ATG10: variants seen among roughly 807,000 people sequenced by gnomAD.
The protein encoded by ATG10 is ubiquitin-like-conjugating enzyme ATG10.
A neutral mutation model predicts 32.1 loss-of-function variants in ATG10; 30 were observed. The ratio of observed to expected loss-of-function variants is 0.94; its 90% CI spans 0.70 to 1.27. The LOEUF is 1.27. ATG10 is among the 50% of genes most tolerant of loss of function. The probability of loss-of-function intolerance (pLI) is 0.00; values close to 1 mark genes in which losing one functional copy is unlikely to be tolerated. For synonymous variants in ATG10, 87 were observed against 91.5 expected (o/e 0.95, Z 0.28); for missense variants, 233 against 262.3 (o/e 0.89, Z 0.77).
intron 2 of ATG10, among the ~76,000 whole-genome samples, chr5:82,020,660 C>T (rs1463738303): frequency 6.6e-6 from 1 of 152,048 alleles, no homozygotes; most frequent in Non-Finnish European, 1.5e-5. Context: ...TGGGATGATT[C>T]TGCTTGGTTC....
chr5:81,993,439 CTT>C (rs1297345450), intron 2 of ATG10, among the ~76,000 whole-genome samples: 14 of 112,258 alleles, frequency 1.2e-4, no homozygotes, highest in African/African-American at 4.4e-4. Context: ...TTCTTTCTTT[CTT>C]TTTTTGAGGC....
intron 3 of ATG10, among the ~76,000 whole-genome samples, chr5:82,102,313 T>G (rs1397968113): frequency 6.6e-6 from 1 of 152,128 alleles, no homozygotes; most frequent in African/African-American, 2.4e-5. Flanking sequence ...AGTCCTCTAA[T>G]TAAGAGATCT....
intron 2 of ATG10, among the ~76,000 whole-genome samples, chr5:81,993,360 C>CTTTCTTTCTTTCTTTCTT: frequency 2.1e-5 from 1 of 46,798 alleles, no homozygotes; most frequent in African/African-American, 9.1e-5. Context: ...TCTTTCTTTC[C>CTTTCTTTCTTTCTTTCTT]TTCTTTTCTT....
intron 5 of ATG10, among the ~76,000 whole-genome samples, chr5:82,212,835 C>G (rs998916971): frequency 6.6e-6 from 1 of 152,196 alleles, no homozygotes; most frequent in Non-Finnish European, 1.5e-5. Flanking sequence ...TGACCCTGTT[C>G]TCTTCTGTGT....
intron 2 of ATG10, among the ~76,000 whole-genome samples, chr5:82,055,379 T>G (rs1279273005): frequency 3.3e-5 from 5 of 152,134 alleles, no homozygotes; most frequent in African/African-American, 1.2e-4. Context: ...AAGTGACATA[T>G]CTCTTTATCT....
chr5:82,132,547 T>C (rs564449503), intron 3 of ATG10, among the ~76,000 whole-genome samples: 109 of 152,170 alleles, frequency 7.2e-4, no homozygotes, highest in South Asian at 1.9e-3. Context: ...GAATGATGGT[T>C]TCCAGCTTCA....
chr5:82,228,182 CCTGGG>C (rs1396031254), intron 5 of ATG10, among the ~76,000 whole-genome samples: 10 of 151,346 alleles, frequency 6.6e-5, no homozygotes, highest in Non-Finnish European at 1.5e-5. Flanking sequence ...TGCACTGCAG[CCTGGG>C]CAACAGAGTG....
At chr5:81,981,456 T>C (rs1761046255) in intron 1 of ATG10, among the ~76,000 whole-genome samples, 1 of 152,032 alleles carries the variant, frequency 6.6e-6, no homozygotes, top group South Asian at 2.1e-4. Context: ...TCAAGCCAAA[T>C]TGCCATAAAA....
intron 3 of ATG10, among the ~76,000 whole-genome samples, chr5:82,118,763 T>C (rs1378681100): frequency 1.3e-5 from 2 of 151,864 alleles, no homozygotes; most frequent in African/African-American, 4.8e-5. Flanking sequence ...ATAGAATGAG[T>C]AAAGTGAGGC....
intron 6 of ATG10, 68 bp from the exon 7 acceptor site, chr5:82,253,246 T>A: frequency 9.7e-7 from 1 of 1,027,090 alleles, no homozygotes; most frequent in East Asian, 2.4e-5. Context: ...GACCAACTGA[T>A]GTTCTACCAT....
chr5:82,023,089 C>T (rs1381826078), intron 2 of ATG10, among the ~76,000 whole-genome samples: 2 of 151,642 alleles, frequency 1.3e-5, no homozygotes, highest in African/African-American at 4.8e-5. Context: ...TTAGTTGCCT[C>T]TTATCAATGT....
At chr5:82,092,586 C>T (rs2149794171) in intron 3 of ATG10, among the ~76,000 whole-genome samples, 1 of 152,278 alleles carries the variant, frequency 6.6e-6, no homozygotes, top group African/African-American at 2.4e-5. Context: ...GCTGCTACCT[C>T]TCTCTCCCTG....
At chr5:82,156,454 G>C (rs958850584) in intron 3 of ATG10, among the ~76,000 whole-genome samples, 3 of 152,144 alleles carry the variant, frequency 2.0e-5, no homozygotes, top group African/African-American at 7.2e-5. Flanking sequence ...GAATCTGATG[G>C]TCTTTGCAGG....
intron 5 of ATG10, among the ~76,000 whole-genome samples, chr5:82,187,144 A>T (rs1043893639): frequency 2.0e-5 from 3 of 150,300 alleles, no homozygotes; most frequent in Admixed American, 1.3e-4. Context: ...CCCATCTCTT[A>T]AAAAAAAATG....
intron 3 of ATG10, chr5:82,073,140 A>G (rs1475546920): frequency 1.3e-5 from 2 of 152,212 alleles, no homozygotes; most frequent in Non-Finnish European, 2.9e-5. Flanking sequence ...AACTTTTTAA[A>G]TATAAACCCA....
At chr5:82,087,790 A>G (rs948886586) in intron 3 of ATG10, among the ~76,000 whole-genome samples, 1 of 152,096 alleles carries the variant, frequency 6.6e-6, no homozygotes, top group African/African-American at 2.4e-5. Context: ...CTGAGAGGGT[A>G]GATCTTATGT....
At chr5:82,219,114 G>T (rs1445919684) in intron 5 of ATG10, among the ~76,000 whole-genome samples, 2 of 152,194 alleles carry the variant, frequency 1.3e-5, no homozygotes, top group East Asian at 1.9e-4. Context: ...TATGAAGAGT[G>T]ATATTAGAGA....
At chr5:82,057,541 T>C (rs1763643381) in intron 2 of ATG10, among the ~76,000 whole-genome samples, 2 of 152,156 alleles carry the variant, frequency 1.3e-5, no homozygotes, top group Non-Finnish European at 2.9e-5. Context: ...CCTCTTCTTA[T>C]AGGAAGATTA....
At chr5:82,229,194 C>T (rs1048601091) in intron 5 of ATG10, among the ~76,000 whole-genome samples, 4 of 152,138 alleles carry the variant, frequency 2.6e-5, no homozygotes, top group African/African-American at 7.2e-5. Flanking sequence ...ATGGAGAGGC[C>T]GGATGGCTTG....
Sources: allele counts gnomAD v4.1 joint callset (sites outside exome capture counted in the v4.1 genomes callset), GRCh38; gene constraint gnomAD v4.1.1; transcripts MANE v1.5; gene names NCBI Gene and HGNC (gene_info 2026-07-23, HGNC 2026-07-21).